Variants in SESN1 observed in about 807,000 individuals in gnomAD.
SESN1 encodes sestrin 1, also known as sestrin-1.
In SESN1, 30 loss-of-function variants were observed where a neutral mutation model predicts 59.3. The observed-to-expected ratio is 0.51, with a 90% confidence interval of 0.38 to 0.69. The LOEUF (loss-of-function observed/expected upper bound fraction) is 0.69. SESN1 is among the 30% of genes least tolerant of loss of function. The pLI, the probability that SESN1 is intolerant of heterozygous loss-of-function variation, is 0.00. For missense variants in SESN1, 566 were observed against 673.0 expected (o/e 0.84, Z 1.76); for synonymous variants, 197 against 219.9 (o/e 0.90, Z 0.92).
chr6:109,036,320 T>A (rs1435982006), intron 1 of SESN1, among the ~76,000 whole-genome samples: 1 of 152,230 alleles, frequency 6.6e-6, no homozygotes, highest in African/African-American at 2.4e-5. Flanking sequence ...TTTGTCTGAG[T>A]GAAAAAGTAA....
At chr6:108,995,467 G>A (rs900891388) in intron 5 of SESN1, among the ~76,000 whole-genome samples, 1 of 152,192 alleles carries the variant, frequency 6.6e-6, no homozygotes, top group Non-Finnish European at 1.5e-5. Flanking sequence ...GGGATGACTA[G>A]AGCAGTGTCA....
At chr6:109,044,510 A>G (rs957616862) in intron 1 of SESN1, among the ~76,000 whole-genome samples, 2 of 151,962 alleles carry the variant, frequency 1.3e-5, no homozygotes, top group Non-Finnish European at 2.9e-5. Flanking sequence ...AATGGATCAC[A>G]GACCTAAATT....
chr6:109,044,997 T>C (rs1185628228), intron 1 of SESN1, among the ~76,000 whole-genome samples: 1 of 151,620 alleles, frequency 6.6e-6, no homozygotes, highest in Admixed American at 6.6e-5. Context: ...CACTCCATCC[T>C]GGGCAACAAG....
At chr6:108,995,192 T>C (rs1779478955) in intron 5 of SESN1, among the ~76,000 whole-genome samples, 1 of 152,168 alleles carries the variant, frequency 6.6e-6, no homozygotes. Flanking sequence ...TCATTACCAT[T>C]TATGCTGTTT....
At chr6:109,006,540 A>T (rs1779737125) in intron 1 of SESN1, among the ~76,000 whole-genome samples, 1 of 146,812 alleles carries the variant, frequency 6.8e-6, no homozygotes, top group Admixed American at 7.1e-5. Flanking sequence ...ATTCTAGCTC[A>T]GTCAGTACTA....
chr6:109,023,580 C>T (rs948501253), intron 1 of SESN1, among the ~76,000 whole-genome samples: 2 of 152,116 alleles, frequency 1.3e-5, no homozygotes, highest in Admixed American at 6.5e-5. Context: ...GTCCCAGGTG[C>T]AAGGATTTGG....
chr6:109,069,493 T>C (rs2114464031), intron 1 of SESN1, among the ~76,000 whole-genome samples: 1 of 152,202 alleles, frequency 6.6e-6, no homozygotes, highest in African/African-American at 2.4e-5. Flanking sequence ...GAGGTAAAAG[T>C]AAAAACATCT....
intron 1 of SESN1, among the ~76,000 whole-genome samples, chr6:109,012,302 G>C (rs1489327351): frequency 6.6e-6 from 1 of 151,808 alleles, no homozygotes; most frequent in Non-Finnish European, 1.5e-5. Context: ...GAGTGCAGTG[G>C]TACGAACTTG....
chr6:109,008,591 TCA>T (rs1032116249), intron 1 of SESN1, among the ~76,000 whole-genome samples: 2 of 152,168 alleles, frequency 1.3e-5, no homozygotes, highest in East Asian at 1.9e-4. Flanking sequence ...AAAAAATAAT[TCA>T]CATTTAGATT....
At chr6:109,020,870 C>T (rs1780000521) in intron 1 of SESN1, among the ~76,000 whole-genome samples, 1 of 152,144 alleles carries the variant, frequency 6.6e-6, no homozygotes, top group Non-Finnish European at 1.5e-5. Flanking sequence ...TCATGAACAA[C>T]ACTTCTTTTC....
Position 108,988,684 on chromosome 6 carries a change from A to G in SESN1, c.1428T>C (p.Tyr476=), listed in dbSNP as rs146939598. 35 of 1,600,682 alleles carry G rather than the reference A, an allele frequency of 2.2e-5. No homozygotes were observed. Among genetic ancestry groups the G allele is most frequent in the African/African-American group, 2.7e-5 (2 of 74,408 alleles). ...TAATTTCACCATAGTCATAATCATC[A>G]TATCTGTTGAAAGACATAATGAGAA... ...NYIHCMFGIR[Y]DDYDYGEINQ... The change falls in exon 9 of 10, where the codon TAT becomes TAC. Residue 476 remains tyrosine, a synonymous_variant. Coordinates refer to ENST00000436639, the MANE Select transcript of SESN1 (RefSeq NM_014454.3).
At chr6:108,997,647 C>T (rs889144452) in intron 5 of SESN1, among the ~76,000 whole-genome samples, 1 of 152,154 alleles carries the variant, frequency 6.6e-6, no homozygotes, top group Non-Finnish European at 1.5e-5. Context: ...TACAAAAGAA[C>T]TGAGATTCAG....
chr6:109,069,484 A>C (rs1412650548), intron 1 of SESN1, among the ~76,000 whole-genome samples: 1 of 152,200 alleles, frequency 6.6e-6, no homozygotes, highest in Non-Finnish European at 1.5e-5. Flanking sequence ...ACAAAATCTG[A>C]GGTAAAAGTA....
At chr6:109,084,090 A>G (rs1386704453) in intron 1 of SESN1, among the ~76,000 whole-genome samples, 1 of 152,214 alleles carries the variant, frequency 6.6e-6, no homozygotes, top group African/African-American at 2.4e-5. Flanking sequence ...CAAGGCATAT[A>G]TATTTGTCAG....
Position 108,989,559 on chromosome 6 carries a change from C to T in SESN1, c.1425-872G>A, listed in dbSNP as rs563018202. 5.8e-4 allele frequency among the ~76,000 whole-genome samples: 60 copies of T among 103,260 alleles called. 1 individual carries two copies. Among genetic ancestry groups the T allele is most frequent in the Middle Eastern group, 6.0e-3 (1 of 166 alleles). 67.7% of individuals were successfully genotyped at this position (103,260 alleles called of 152,430 possible). ...GATAGAGATATCTCTAGATCTAGAT[C>T]TCTAGATCTAGAGATATCTATATAT... On this transcript the variant is annotated intron_variant, in intron 8 of 9. Coordinates refer to ENST00000436639, the MANE Select transcript of SESN1 (RefSeq NM_014454.3).
chr6:109,073,840 A>C (rs1780980161), intron 1 of SESN1, among the ~76,000 whole-genome samples: 1 of 152,074 alleles, frequency 6.6e-6, no homozygotes, highest in Non-Finnish European at 1.5e-5. Context: ...GTTTTGACTT[A>C]TTTTCTTTTT....
At chr6:109,010,895 T>G (rs1779847013) in intron 1 of SESN1, among the ~76,000 whole-genome samples, 1 of 152,238 alleles carries the variant, frequency 6.6e-6, no homozygotes. Flanking sequence ...TCATGCAATT[T>G]GCAGCAATAT....
At chr6:108,990,549 G>T in intron 8 of SESN1, 96 bp downstream of exon 8, 1 of 1,096,092 alleles carries the variant, frequency 9.1e-7, no homozygotes, top group Non-Finnish European at 1.4e-6. Context: ...GATGGGTTTT[G>T]ATTATGTGTG....
At chr6:109,002,507 TAGCTAACA>T in intron 1 of SESN1, among the ~76,000 whole-genome samples, 164 bp from the exon 2 acceptor site, 1 of 152,204 alleles carries the variant, frequency 6.6e-6, no homozygotes, top group South Asian at 2.1e-4. Context: ...TAGCATTACA[TAGCTAACA>T]ACAGCTTATA....
Sources: gnomAD v4.1 joint callset for allele counts (sites outside exome capture counted in the v4.1 genomes callset) on GRCh38, gnomAD v4.1.1 for gene constraint, MANE v1.5 for transcripts, NCBI Gene and HGNC (gene_info 2026-07-23, HGNC 2026-07-21) for gene names.